BAP1: variants seen among roughly 807,000 people sequenced by gnomAD.
The protein encoded by BAP1 is ubiquitin carboxyl-terminal hydrolase BAP1.
Under a neutral mutation model 77.2 loss-of-function variants are expected in BAP1, and 16 were observed. The observed-to-expected ratio is 0.21, with a 90% CI of 0.14 to 0.31. The LOEUF is 0.31. Among genes scored for constraint, BAP1 ranks in the 10% least tolerant of loss-of-function variants. The pLI, the probability that BAP1 is intolerant of heterozygous loss-of-function variation, is 1.00. For missense variants in BAP1, 699 were observed against 967.3 expected, an observed-to-expected ratio of 0.72 and a Z score of 3.68; for synonymous variants, 362 against 385.2, an observed-to-expected ratio of 0.94 and a Z score of 0.71.
In BAP1 at chr3:52,402,529, G is replaced by A. The variant is rs1275401835; in HGVS notation, c.2056+73C>T. On this transcript the variant is annotated intron_variant, in intron 16 of 16. Transcript: ENST00000460680. The surrounding 1 kb of genome is among the most constrained non-coding windows in gnomAD (Gnocchi z 5.3). ...AAGGTCTGCTCAAGCCTCAGGAGAG[G>A]CCAGGGGAGGGGAGCTGAAGGACAC... 4.3e-6 allele frequency: 7 copies of A among 1,612,086 alleles called. No homozygotes were observed. In the East Asian group the frequency reaches 8.9e-5, roughly 21 times the overall value.
chr3:52,403,343 TTG>T lies in BAP1; in HGVS notation c.1730-47_1730-46del. The T allele has an allele frequency of 6.2e-7, 1 of 1,612,406 alleles. No individual in the cohort carries two copies. The highest frequency in any genetic ancestry group is 8.5e-7 in the Non-Finnish European group (1 of 1,179,670). ...GAAAATCATCAGAGTGCAGGACACT[TTG>T]TGGTCACTTGGCCACTTCCCTCCTC... On this transcript the variant is annotated intron_variant, in intron 13 of 16. Transcript: ENST00000460680. The surrounding 1 kb of genome is among the most constrained non-coding windows in gnomAD (Gnocchi z 4.0).
rs1559593395 is a variant in BAP1 at position 52,409,869 on chromosome 3, C to T, written c.10G>A (p.Gly4Ser). 1 of 1,609,930 alleles carries T rather than the reference C, an allele frequency of 6.2e-7. No homozygotes were observed. The highest frequency in any genetic ancestry group is 8.5e-7 in the Non-Finnish European group (1 of 1,179,918). The change falls in exon 1 of 17, where the codon GGC (glycine) becomes AGC (serine). Residue 4 changes from glycine to serine, a missense_variant. Physicochemically the swap from Gly to Ser is moderately conservative, Grantham distance 56. This residue lies in a region of BAP1 where 160 missense variants were observed against 322.8 expected (regional missense o/e 0.50). Transcript: ENST00000460680. MNK[G>S]WLELESDPGL... Reference sequence around the variant, plus strand: ...GGGTCGCTCTCCAGCTCCAGCCAGCCCTTATTCATCTTCCCGCGGGGCGGC... The same window carrying T: ...GGGTCGCTCTCCAGCTCCAGCCAGCTCTTATTCATCTTCCCGCGGGGCGGC...
Position 52,402,943 on chromosome 3 carries a change from A to G in BAP1, c.1891-72T>C. ...AAAGCCCCACGAGCAATAGGCAGCTAGAGGCAAGGATGAGCAGCGAGTCCA... is the reference window on the plus strand; with the variant it reads ...AAAGCCCCACGAGCAATAGGCAGCTGGAGGCAAGGATGAGCAGCGAGTCCA... On this transcript the variant is annotated intron_variant, in intron 14 of 16. Coordinates refer to ENST00000460680, the MANE Select transcript of BAP1 (RefSeq NM_004656.4). This position sits in a 1 kb window ranked among gnomAD's most constrained non-coding sequence, Gnocchi z 5.3. 1 of 1,610,742 alleles carries G rather than the reference A, an allele frequency of 6.2e-7. No individual in the cohort carries two copies. The highest frequency in any genetic ancestry group is 8.5e-7 in the Non-Finnish European group (1 of 1,179,910).
chr3:52,406,567 G>C lies in BAP1; in HGVS notation c.660-191C>G, dbSNP rs2153227568. 2 of 972,268 alleles carry C rather than the reference G, an allele frequency of 2.1e-6. No individual in the cohort carries two copies. The highest frequency in any genetic ancestry group is 5.2e-5 in the East Asian group (2 of 38,254). 60.2% of individuals were successfully genotyped at this position (972,268 alleles called of 1,614,324 possible). On this transcript the variant is annotated intron_variant, in intron 8 of 16. Transcript: ENST00000460680. The surrounding 1 kb of genome is among the most constrained non-coding windows in gnomAD (Gnocchi z 4.6). ...TGGTACCTTCCAACAAGCTGTATGA[G>C]GGGCCTATCTGGAAGTGAACCAGCA...
rs1011505152 is a variant in BAP1 at position 52,404,939 on chromosome 3, G to A, written c.1116+171C>T. On this transcript the variant is annotated intron_variant, in intron 11 of 16. Transcript: ENST00000460680. ...GCTCTCCCTGCCTCCCTAAGCTCCT[G>A]CTGTTGTGGGGGCCTTTTCATATCA... Among the ~76,000 whole-genome samples the A allele has an allele frequency of 5.3e-4, 80 of 152,328 alleles. 1 individual carries two copies. Among genetic ancestry groups the A allele is most frequent in the African/African-American group, 1.7e-3 (72 of 41,566 alleles).
intron 2 of BAP1, 53 bp from the exon 3 acceptor site, chr3:52,409,661 G>C (rs1040348181): frequency 6.2e-7 from 1 of 1,614,058 alleles, no homozygotes; most frequent in Non-Finnish European, 8.5e-7. Flanking sequence ...ATGAGTGAGG[G>C]CGCAGGGGTG....
At chr3:52,405,037 C>A (rs2153226932) in intron 11 of BAP1, 73 bp downstream of exon 11, 4 of 1,592,360 alleles carry the variant, frequency 2.5e-6, no homozygotes. Flanking sequence ...CAAGGAACCA[C>A]ATGGGAAAAT....
rs1366498917 is a variant in BAP1 at position 52,405,260 on chromosome 3, T to C, written c.966A>G (p.Gln322=). ...GAEEAAGSCA[Q]APSHSPPNKP... ...TGTTGGGAGGGCTGTGGGATGGGGC[T>C]TGTGCGCATGAACCAGCCGCCTCCT... Residue 322 remains glutamine, a synonymous_variant, in exon 11 of 17, where the codon CAA becomes CAG. Coordinates refer to ENST00000460680, the MANE Select transcript of BAP1 (RefSeq NM_004656.4). 1 of 1,613,712 alleles carries C rather than the reference T, an allele frequency of 6.2e-7. No homozygotes were observed. Among genetic ancestry groups the C allele is most frequent in the Non-Finnish European group, 8.5e-7 (1 of 1,180,010 alleles).
At position 52,408,534 on chromosome 3, in the gene BAP1, C is replaced by G. The variant is rs2153228316; in HGVS notation, c.195G>C (p.Leu65Phe). 1 of 1,612,246 alleles carries G rather than the reference C, an allele frequency of 6.2e-7. No individual in the cohort carries two copies. The highest frequency in any genetic ancestry group is 8.5e-7 in the Non-Finnish European group (1 of 1,179,234). Residue 65 changes from leucine (L) to phenylalanine (F), a missense_variant, in exon 4 of 17, where the codon TTG becomes TTC. By Grantham distance (22) the Leu-to-Phe change is conservative. Transcript: ENST00000460680. ...CATCAATCACGGACGTATCATCCAC[C>G]AAGGTAGAGACCTTTCGCCGGGACC... ...ERRSRRKVST[L>F]VDDTSVIDDD...
Position 52,408,447 on chromosome 3 carries a change from C to G in BAP1, c.255+27G>C, listed in dbSNP as rs751164550. 21 of 1,608,236 alleles carry G rather than the reference C, an allele frequency of 1.3e-5. No individual in the cohort carries two copies. The East Asian group carries it at 4.7e-4, about 36-fold the overall frequency. On this transcript the variant is annotated intron_variant, in intron 4 of 16. Coordinates refer to ENST00000460680, the MANE Select transcript of BAP1 (RefSeq NM_004656.4). Reference sequence around the variant, plus strand: ...CAAAAACATGGCAGCATCCCACCCTCCAAACAAAGCACAGAGTCCAGCAGA... The same window carrying G: ...CAAAAACATGGCAGCATCCCACCCTGCAAACAAAGCACAGAGTCCAGCAGA...
In BAP1 at chr3:52,404,344, G is replaced by A. The variant is rs550176361; in HGVS notation, c.1250+109C>T. ...AGCCTCCCCCAGGGCCCCAAACTCC[G>A]CAGGTGCTCAACATTATCTGCTGCA... is the stretch of plus-strand genomic sequence containing the variant. On this transcript the variant is annotated intron_variant, in intron 12 of 16. Coordinates refer to ENST00000460680, the MANE Select transcript of BAP1 (RefSeq NM_004656.4). 1.1e-4 allele frequency: 171 copies of A among 1,583,922 alleles called. 1 individual carries two copies. Among genetic ancestry groups the A allele is most frequent in the South Asian group, 7.6e-4 (68 of 89,886 alleles).
At position 52,402,525 on chromosome 3, in the gene BAP1, A is replaced by AT; in HGVS notation, c.2056+76_2056+77insA. ...CCCCAAGGTCTGCTCAAGCCTCAGG[A>AT]GAGGCCAGGGGAGGGGAGCTGAAGG... On this transcript the variant is annotated intron_variant, in intron 16 of 16. Transcript: ENST00000460680. This position sits in a 1 kb window ranked among gnomAD's most constrained non-coding sequence, Gnocchi z 5.3. 3 of 1,611,614 alleles carry AT rather than the reference A, an allele frequency of 1.9e-6. No homozygotes were observed. Among genetic ancestry groups the AT allele is most frequent in the Non-Finnish European group, 2.5e-6 (3 of 1,178,402 alleles).
In BAP1 at chr3:52,409,759, AGAG is replaced by A. The variant is rs1559593181; in HGVS notation, c.38-19_38-17del. 13 of 1,613,748 alleles carry A rather than the reference AGAG, an allele frequency of 8.1e-6. No homozygotes were observed. The highest frequency in any genetic ancestry group is 1.1e-5 in the Non-Finnish European group (13 of 1,179,918). Reference sequence around the variant, plus strand: ...GTGAAGAGGCCTGGGTGGGGCGACAAGAGGAGGGGGTGATGGTCAGGCAGGCGC... The same window carrying A: ...GTGAAGAGGCCTGGGTGGGGCGACAAGAGGGGGTGATGGTCAGGCAGGCGC... On this transcript the variant is annotated splice_polypyrimidine_tract_variant and intron_variant, in intron 1 of 16. Transcript: ENST00000460680.
Position 52,409,884 on chromosome 3 carries a change from C to T in BAP1, c.-6G>A, listed in dbSNP as rs758722091. 1.1e-5 allele frequency: 18 copies of T among 1,606,932 alleles called. No homozygotes were observed. The highest frequency in any genetic ancestry group is 2.7e-5 in the African/African-American group (2 of 74,906). On this transcript the variant is annotated 5_prime_UTR_variant, in exon 1 of 17. Transcript: ENST00000460680. ...TCCAGCCAGCCCTTATTCATCTTCCCGCGGGGCGGCCCCTCAGCGCCATGT... is the reference window on the plus strand; with the variant it reads ...TCCAGCCAGCCCTTATTCATCTTCCTGCGGGGCGGCCCCTCAGCGCCATGT...
rs149158790 is a variant in BAP1 at position 52,405,791 on chromosome 3, G to A, written c.905C>T (p.Pro302Leu). 107 of 1,613,504 alleles carry A rather than the reference G, an allele frequency of 6.6e-5. No individual in the cohort carries two copies. The African/African-American group carries it at 1.1e-3, about 17-fold the overall frequency. The change falls in exon 10 of 17, where the codon CCT becomes CTT. Residue 302 changes from proline (P) to leucine (L), a missense_variant. Physicochemically the swap from Pro to Leu is moderately conservative, Grantham distance 98. Coordinates refer to ENST00000460680, the MANE Select transcript of BAP1 (RefSeq NM_004656.4). ...TGTGTGGTTGCCCTCAGAGGCTGCA[G>A]GGGCCCTGTTTGCTTCCAGCACCAG... ...SPLVLEANRA[P>L]AASEGNHTDG...
Position 52,406,527 on chromosome 3 carries a change from G to A in BAP1, c.660-151C>T. On this transcript the variant is annotated intron_variant, in intron 8 of 16. Coordinates refer to ENST00000460680, the MANE Select transcript of BAP1 (RefSeq NM_004656.4). The surrounding 1 kb of genome is among the most constrained non-coding windows in gnomAD (Gnocchi z 4.6). ...AGGCAGGCAGCGACTAGCCATACATGCCAGGCACCTGAGCTGGTACCTTCC... is the reference window on the plus strand; with the variant it reads ...AGGCAGGCAGCGACTAGCCATACATACCAGGCACCTGAGCTGGTACCTTCC... The A allele has an allele frequency of 8.2e-7, 1 of 1,221,168 alleles. No homozygotes were observed. The highest frequency in any genetic ancestry group is 2.0e-5 in the Admixed American group (1 of 50,516). 75.6% of individuals were successfully genotyped at this position (1,221,168 alleles called of 1,614,324 possible). A position where few individuals can be genotyped will look rare whatever the true frequency, so the allele number is the denominator to read the frequency against.
chr3:52,405,228 T>A lies in BAP1; in HGVS notation c.998A>T (p.Lys333Met), dbSNP rs774251645. The change falls in exon 11 of 17, where the codon AAG becomes ATG. Residue 333 changes from lysine (K) to methionine (M), a missense_variant. Lys to Met is a moderately conservative substitution (Grantham distance 95, BLOSUM62 -1). This residue lies in a region of BAP1 where 475 missense variants were observed against 532.4 expected (regional missense o/e 0.89). Transcript: ENST00000460680. Reference protein sequence around the residue: ...APSHSPPNKPKLVVKPPGSSL... With the variant: ...APSHSPPNKPMLVVKPPGSSL... The stretch of plus-strand genomic sequence containing the variant: ...GCTGCCTGGAGGCTTCACCACTAGC[T>A]TGGGTTTGTTGGGAGGGCTGTGGGA... The A allele has an allele frequency of 1.9e-6, 3 of 1,613,972 alleles. No individual in the cohort carries two copies. The highest frequency in any genetic ancestry group is 2.5e-6 in the Non-Finnish European group (3 of 1,179,988).
intron 3 of BAP1, 107 bp from the exon 4 acceptor site, chr3:52,408,713 C>A: frequency 7.3e-7 from 1 of 1,374,604 alleles, no homozygotes; most frequent in African/African-American, 1.4e-5. Flanking sequence ...CTCAGGTGTC[C>A]TTGCTGTGAT....
intron 3 of BAP1, 70 bp from the exon 4 acceptor site, chr3:52,408,676 C>A (rs1406929697): frequency 6.5e-7 from 1 of 1,536,756 alleles, no homozygotes; most frequent in East Asian, 2.3e-5. Context: ...CTTCTTTCTC[C>A]CATTAATCCT....
Sources: gnomAD v4.1 joint callset for allele counts (sites outside exome capture counted in the v4.1 genomes callset) on GRCh38, gnomAD v4.1.1 for gene constraint, gnomAD v4.1.1 regional missense constraint, Gnocchi (gnomAD v3.1) non-coding constraint, MANE v1.5 for transcripts, NCBI Gene and HGNC (gene_info 2026-07-23, HGNC 2026-07-21) for gene names.